The following TENM3 variants were observed in gnomAD, a reference collection of about 807,000 sequenced individuals.
TENM3 encodes teneurin transmembrane protein 3.
A neutral mutation model predicts 255.1 loss-of-function variants in TENM3; 63 were observed. That is an observed-to-expected ratio of 0.25 (90% confidence interval 0.20 to 0.30). The LOEUF (loss-of-function observed/expected upper bound fraction) is 0.30, where lower values mean the gene tolerates loss of function less well. Among genes scored for constraint, TENM3 ranks in the 10% least tolerant of loss-of-function variants. The pLI, the probability that TENM3 is intolerant of heterozygous loss-of-function variation, is 1.00. For missense variants in TENM3, 2,929 were observed against 3,461.1 expected (o/e 0.85, Z 3.86); for synonymous variants, 1,306 against 1,322.3 (o/e 0.99, Z 0.27).
chr4:181,844,107 A>G, the TENM3 span, among the ~76,000 whole-genome samples: 1 of 151,952 alleles, frequency 6.6e-6, no homozygotes, highest in Non-Finnish European at 1.5e-5. Flanking sequence ...AAGGATGCCA[A>G]AGTCATCCTT....
At chr4:182,399,375 T>C (rs1769072434) in intron 3 of TENM3, among the ~76,000 whole-genome samples, 1 of 152,218 alleles carries the variant, frequency 6.6e-6, no homozygotes, top group African/African-American at 2.4e-5. Context: ...GTTAACTGTT[T>C]CCTTTCAGTG....
At chr4:181,662,141 T>A in the TENM3 span, among the ~76,000 whole-genome samples, 1 of 152,196 alleles carries the variant, frequency 6.6e-6, no homozygotes, top group Non-Finnish European at 1.5e-5. Flanking sequence ...TTGTTAGCTT[T>A]AATTTATTCA....
At chr4:181,552,911 A>G in the TENM3 span, among the ~76,000 whole-genome samples, 1 of 152,302 alleles carries the variant, frequency 6.6e-6, no homozygotes, top group African/African-American at 2.4e-5. Context: ...TCCATGTGTA[A>G]ACACGTGCGT....
At chr4:181,828,145 T>C in the TENM3 span, among the ~76,000 whole-genome samples, 1 of 152,162 alleles carries the variant, frequency 6.6e-6, no homozygotes, top group Admixed American at 6.5e-5. Context: ...TCCTGATGAA[T>C]GCCCTGGCTC....
chr4:182,236,175 G>T (rs1756892310), intron 1 of TENM3, among the ~76,000 whole-genome samples: 1 of 152,262 alleles, frequency 6.6e-6, no homozygotes, highest in Non-Finnish European at 1.5e-5. Context: ...AATTTCCTGA[G>T]ATTTTTAGCT....
chr4:182,217,292 AT>A (rs1244528025), intron 1 of TENM3, among the ~76,000 whole-genome samples: 1 of 151,988 alleles, frequency 6.6e-6, no homozygotes, highest in African/African-American at 2.4e-5. Flanking sequence ...AAGTACTGGG[AT>A]TACAGACGTG....
the TENM3 span, among the ~76,000 whole-genome samples, chr4:181,781,861 C>A: frequency 1.3e-5 from 2 of 152,098 alleles, no homozygotes; most frequent in African/African-American, 2.4e-5. Flanking sequence ...GCCTTTTCTG[C>A]GTCTATTGAG....
At chr4:181,944,063 C>T in the TENM3 span, among the ~76,000 whole-genome samples, 1 of 152,098 alleles carries the variant, frequency 6.6e-6, no homozygotes, top group Non-Finnish European at 1.5e-5. Context: ...TCTCTAGGCA[C>T]CAGGAGCAGG....
At chr4:182,211,611 A>G (rs1034131145) in intron 1 of TENM3, among the ~76,000 whole-genome samples, 3 of 152,192 alleles carry the variant, frequency 2.0e-5, no homozygotes, top group Admixed American at 6.5e-5. Context: ...ATAAAAAATC[A>G]TTATCAATTC....
intron 24 of TENM3, among the ~76,000 whole-genome samples, chr4:182,786,847 GA>G (rs1200280248): frequency 2.0e-5 from 3 of 151,920 alleles, no homozygotes; most frequent in Non-Finnish European, 2.9e-5. Flanking sequence ...ATCTAAGGAA[GA>G]AAAAAAGGGC....
Position 182,734,229 on chromosome 4 carries a change from T to A in TENM3, c.2968-2579T>A, listed in dbSNP as rs142339969. On this transcript the variant is annotated intron_variant, in intron 16 of 27. Transcript: ENST00000511685. ...GAGAGGGAGGAAAGCACGTTTCAGATTGAAGATGTGTAAGCAACAGTGGAG... is the reference window on the plus strand; with the variant it reads ...GAGAGGGAGGAAAGCACGTTTCAGAATGAAGATGTGTAAGCAACAGTGGAG... 3.3e-5 allele frequency among the ~76,000 whole-genome samples: 5 copies of A among 152,210 alleles called. No homozygotes were observed. The East Asian group carries it at 9.7e-4, about 30-fold the overall frequency.
intron 1 of TENM3, among the ~76,000 whole-genome samples, chr4:182,282,171 A>G (rs949151299): frequency 6.6e-6 from 1 of 152,244 alleles, no homozygotes; most frequent in African/African-American, 2.4e-5. Context: ...AATGCTTTAT[A>G]ATTCAAATAC....
At chr4:181,914,604 G>T in the TENM3 span, among the ~76,000 whole-genome samples, 1 of 152,126 alleles carries the variant, frequency 6.6e-6, no homozygotes, top group African/African-American at 2.4e-5. Context: ...TGCATAAAAT[G>T]GCTGCTAAAA....
At chr4:181,957,760 G>A in the TENM3 span, among the ~76,000 whole-genome samples, 2 of 152,074 alleles carry the variant, frequency 1.3e-5, no homozygotes, top group Non-Finnish European at 2.9e-5. Flanking sequence ...TTGAATCTGG[G>A]TCCAGTGGTG....
chr4:182,130,951 T>A, the TENM3 span, among the ~76,000 whole-genome samples: 9 of 152,282 alleles, frequency 5.9e-5, no homozygotes, highest in Admixed American at 2.0e-4. Context: ...CTATTACTTC[T>A]TGTGTGGCAG....
chr4:181,625,992 T>C, the TENM3 span, among the ~76,000 whole-genome samples: 2 of 152,094 alleles, frequency 1.3e-5, no homozygotes, highest in African/African-American at 4.8e-5. Flanking sequence ...AATGGCAATG[T>C]GAATAACCAA....
chr4:182,541,513 A>G (rs1740876455), intron 3 of TENM3, among the ~76,000 whole-genome samples: 1 of 152,208 alleles, frequency 6.6e-6, no homozygotes, highest in African/African-American at 2.4e-5. Flanking sequence ...GTCAAGGGAA[A>G]AAAGTTAGAT....
At chr4:181,501,456 G>A in the TENM3 span, among the ~76,000 whole-genome samples, 42 of 151,102 alleles carry the variant, frequency 2.8e-4, no homozygotes, top group African/African-American at 6.8e-4. Flanking sequence ...TCAGCTCACC[G>A]CAACCTCCGC....
At position 182,731,004 on chromosome 4, in the gene TENM3, GAAGA is replaced by G. The variant is rs746182123; in HGVS notation, c.2838_2841del (p.Glu947ArgfsTer9). On this transcript the variant is annotated frameshift_variant, in exon 16 of 28. Transcript: ENST00000511685. LOFTEE classifies it high-confidence loss of function. The stretch of plus-strand genomic sequence containing the variant: ...TTTATGTGATGGATACCCTAGTCAT[GAAGA>G]AAGAAGAGAATGACATTCCCAGCTG... 6.2e-7 allele frequency: 1 copy of G among 1,613,922 alleles called. No homozygotes were observed. Among genetic ancestry groups the G allele is most frequent in the South Asian group, 1.1e-5 (1 of 91,072 alleles).
Sources: gnomAD v4.1 joint callset for allele counts (sites outside exome capture counted in the v4.1 genomes callset) on GRCh38, gnomAD v4.1.1 for gene constraint, MANE v1.5 for transcripts, NCBI Gene and HGNC (gene_info 2026-07-23, HGNC 2026-07-21) for gene names.